Variants in PLCG1 observed in about 807,000 individuals in gnomAD.
The protein encoded by PLCG1 is phospholipase C gamma 1.
Under a neutral mutation model 177.8 loss-of-function variants are expected in PLCG1, and 71 were observed. The observed-to-expected ratio is 0.40, with a 90% CI of 0.33 to 0.49. PLCG1 has a LOEUF of 0.49. Among genes scored for constraint, PLCG1 ranks in the 20% least tolerant of loss-of-function variants. The pLI is 0.72. For synonymous variants in PLCG1, 658 were observed against 647.9 expected, an observed-to-expected ratio of 1.02 and a Z score of -0.24; for missense variants, 1,281 against 1,709.0, an observed-to-expected ratio of 0.75 and a Z score of 4.42.
rs2034992875 is a variant in PLCG1 at position 41,146,296 on chromosome 20, C to T, written c.217+8438C>T. Among the ~76,000 whole-genome samples, 1 of 152,236 alleles carries T rather than the reference C, an allele frequency of 6.6e-6. No individual in the cohort carries two copies. Among genetic ancestry groups the T allele is most frequent in the Non-Finnish European group, 1.5e-5 (1 of 68,040 alleles). On this transcript the variant is annotated intron_variant, in intron 1 of 31. Coordinates refer to ENST00000685551, the MANE Select transcript of PLCG1 (RefSeq NM_002660.3). The surrounding 1 kb of genome is among the most constrained non-coding windows in gnomAD (Gnocchi z 6.3). ...TGGACCATGCAGAAAACCGCTAATG[C>T]CCAGGGCTGGCAGGAGACAGCTGTG...
Position 41,174,769 on chromosome 20 carries a change from C to G in PLCG1, c.*260C>G. ...AAGCACACACATCTGGCCCTGACTT[C>G]TGGAGATGGATCCTTCCATCTTGTG... On this transcript the variant is annotated 3_prime_UTR_variant, in exon 32 of 32. Transcript: ENST00000685551. This position sits in a 1 kb window ranked among gnomAD's most constrained non-coding sequence, Gnocchi z 5.8. The G allele has an allele frequency of 2.0e-6, 1 of 501,862 alleles. No homozygotes were observed. The highest frequency in any genetic ancestry group is 3.6e-6 in the Non-Finnish European group (1 of 276,474). The allele number at this position is 501,862 out of a possible 1,614,324, so 31.1% of individuals were successfully genotyped here. A position where few individuals can be genotyped will look rare whatever the true frequency, so the allele number is the denominator to read the frequency against.
At chr20:41,158,572 T>C (rs760848567) in intron 1 of PLCG1, among the ~76,000 whole-genome samples, 46 of 152,212 alleles carry the variant, frequency 3.0e-4, no homozygotes, top group Admixed American at 2.6e-4. Context: ...CCCCTCCATG[T>C]CCCACATATA....
chr20:41,138,021 T>G, intron 1 of PLCG1, 163 bp downstream of exon 1: 1 of 435,358 alleles, frequency 2.3e-6, no homozygotes, highest in Non-Finnish European at 3.8e-6. Context: ...GGGTGGTCAC[T>G]GGGGGCGGGG....
intron 1 of PLCG1, chr20:41,138,063 A>AC (rs555844818): frequency 8.5e-4 from 327 of 383,282 alleles, no homozygotes; most frequent in East Asian, 3.5e-3. Context: ...CTGACAGGAC[A>AC]CCCCCCCTCC....
rs1233394222 is a variant in PLCG1 at position 41,156,496 on chromosome 20, G to C, written c.218-3110G>C. ...GCCTTTGTCATTATGCTATACATCA[G>C]GCTTCTGGGCTGCTACTTGTGGGAT... On this transcript the variant is annotated intron_variant, in intron 1 of 31. Coordinates refer to ENST00000685551, the MANE Select transcript of PLCG1 (RefSeq NM_002660.3). This position sits in a 1 kb window ranked among gnomAD's most constrained non-coding sequence, Gnocchi z 5.0. Among the ~76,000 whole-genome samples, 2 of 152,130 alleles carry C rather than the reference G, an allele frequency of 1.3e-5. No individual in the cohort carries two copies. The highest frequency in any genetic ancestry group is 4.8e-5 in the African/African-American group (2 of 41,428).
In PLCG1 at chr20:41,166,073, AGGAGATTGGCCTCC is replaced by A; in HGVS notation, c.1800-120_1800-107del. 4.9e-6 allele frequency: 4 copies of A among 821,948 alleles called. No individual in the cohort carries two copies. Among genetic ancestry groups the A allele is most frequent in the African/African-American group, 1.8e-5 (1 of 55,340 alleles). The allele number at this position is 821,948 out of a possible 1,614,324, so 50.9% of individuals were successfully genotyped here. ...GTGACTGCCCACACCTGAGCTCCTC[AGGAGATTGGCCTCC>A]CTCCTTGAGGCTCCCTCCTTGAGTT... On this transcript the variant is annotated intron_variant, in intron 16 of 31. Transcript: ENST00000685551. The surrounding 1 kb of genome is among the most constrained non-coding windows in gnomAD (Gnocchi z 8.6).
In PLCG1 at chr20:41,159,255, T is replaced by A. The variant is rs1173103073; in HGVS notation, c.218-351T>A. 6.6e-6 allele frequency among the ~76,000 whole-genome samples: 1 copy of A among 152,170 alleles called. No individual in the cohort carries two copies. The highest frequency in any genetic ancestry group is 2.4e-5 in the African/African-American group (1 of 41,442). ...TGATTTGATTTGTGTGTACCTTGTG[T>A]CAGGAAGTGGTCCTCATGAACAGCC... On this transcript the variant is annotated intron_variant, in intron 1 of 31. Transcript: ENST00000685551. The surrounding 1 kb of genome is among the most constrained non-coding windows in gnomAD (Gnocchi z 6.0).
Position 41,160,270 on chromosome 20 carries a change from C to T in PLCG1, c.512+117C>T. 1 of 896,112 alleles carries T rather than the reference C, an allele frequency of 1.1e-6. No individual in the cohort carries two copies. The highest frequency in any genetic ancestry group is 1.8e-6 in the Non-Finnish European group (1 of 548,830). The allele number at this position is 896,112 out of a possible 1,614,324, so 55.5% of individuals were successfully genotyped here. A position where few individuals can be genotyped will look rare whatever the true frequency, so the allele number is the denominator to read the frequency against. Reference sequence around the variant, plus strand: ...AGGACCCAGGGGACCTTAAGTGGGGCCAGGAGGGTGGGCAGAAGGTTCTGC... The same window carrying T: ...AGGACCCAGGGGACCTTAAGTGGGGTCAGGAGGGTGGGCAGAAGGTTCTGC... On this transcript the variant is annotated intron_variant, in intron 4 of 31. Coordinates refer to ENST00000685551, the MANE Select transcript of PLCG1 (RefSeq NM_002660.3). The surrounding 1 kb of genome is among the most constrained non-coding windows in gnomAD (Gnocchi z 5.5).
intron 1 of PLCG1, among the ~76,000 whole-genome samples, chr20:41,158,090 C>T (rs1389909291): frequency 6.6e-6 from 1 of 152,024 alleles, no homozygotes; most frequent in Non-Finnish European, 1.5e-5. Context: ...CCAGGTAGAA[C>T]CAGAAATGTG....
intron 21 of PLCG1, 21 bp downstream of exon 21, chr20:41,168,891 G>A (rs2035793662): frequency 2.6e-6 from 4 of 1,535,048 alleles, no homozygotes; most frequent in South Asian, 1.1e-5. Flanking sequence ...GGTGTGGTAG[G>A]CCCAGAGTCC....
chr20:41,139,656 G>A (rs916680103), intron 1 of PLCG1, among the ~76,000 whole-genome samples: 1 of 152,222 alleles, frequency 6.6e-6, no homozygotes, highest in South Asian at 2.1e-4. Flanking sequence ...AAAACATCTA[G>A]CATTGTCTGA....
chr20:41,168,419 G>A (rs2035775441), intron 20 of PLCG1, among the ~76,000 whole-genome samples: 1 of 152,244 alleles, frequency 6.6e-6, no homozygotes, highest in Non-Finnish European at 1.5e-5. Context: ...AGGTCCCGGG[G>A]AGGCACTCAG....
At chr20:41,168,912 G>A (rs376777141) in intron 21 of PLCG1, 42 bp downstream of exon 21, 130 of 1,402,324 alleles carry the variant, frequency 9.3e-5, no homozygotes, top group Middle Eastern at 2.4e-4. Flanking sequence ...AAGGGCCCCA[G>A]TGGAGCTGGG....
chr20:41,169,074 C>T lies in PLCG1; in HGVS notation c.2484-5C>T, dbSNP rs1333765165. On this transcript the variant is annotated splice_region_variant and splice_polypyrimidine_tract_variant and intron_variant, in intron 21 of 31. Coordinates refer to ENST00000685551, the MANE Select transcript of PLCG1 (RefSeq NM_002660.3). ...CTGGAGGTCAGCACCCTGTGGCTCC[C>T]ACAGGTGGCGAGGGGACTACGGAGG... is the stretch of plus-strand genomic sequence containing the variant. 1.2e-6 allele frequency: 2 copies of T among 1,611,978 alleles called. No homozygotes were observed. The highest frequency in any genetic ancestry group is 8.5e-7 in the Non-Finnish European group (1 of 1,178,036).
In PLCG1 at chr20:41,165,294, T is replaced by C. The variant is rs1325947682; in HGVS notation, c.1436T>C (p.Met479Thr). Reference protein sequence around the residue: ...GSAYEEVPTSMMYSENDISNS... With the variant: ...GSAYEEVPTSTMYSENDISNS... ...GCCTACGAGGAGGTGCCTACATCCA[T>C]GATGTACTCTGAGAACGACATCAGC... Residue 479 changes from methionine (M) to threonine (T), a missense_variant, in exon 14 of 32, where the codon ATG (methionine) becomes ACG (threonine). Around this residue, in one of 4 missense-constraint regions of PLCG1, gnomAD observed 723 missense variants for 1,030.0 expected, o/e 0.70. Transcript: ENST00000685551. The surrounding 1 kb of genome is among the most constrained non-coding windows in gnomAD (Gnocchi z 6.6). 6.2e-7 allele frequency: 1 copy of C among 1,613,844 alleles called. No homozygotes were observed. The highest frequency in any genetic ancestry group is 8.5e-7 in the Non-Finnish European group (1 of 1,179,724).
Position 41,162,998 on chromosome 20 carries a change from G to T in PLCG1, c.716+6G>T, listed in dbSNP as rs769001740. On this transcript the variant is annotated splice_donor_region_variant and intron_variant, in intron 7 of 31. Coordinates refer to ENST00000685551, the MANE Select transcript of PLCG1 (RefSeq NM_002660.3). ...TTGGAAGCCAGTACTCTGAGGTTTG[G>T]TTTGGAGTGGGGAGGTGGGGTTTTC... is the stretch of plus-strand genomic sequence containing the variant. The T allele has an allele frequency of 4.3e-6, 7 of 1,613,838 alleles. No individual in the cohort carries two copies. Among genetic ancestry groups the T allele is most frequent in the Non-Finnish European group, 5.9e-6 (7 of 1,179,742 alleles).
In PLCG1 at chr20:41,166,306, C is replaced by T; in HGVS notation, c.1912C>T (p.His638Tyr). The T allele has an allele frequency of 1.2e-6, 2 of 1,614,172 alleles. No homozygotes were observed. Among genetic ancestry groups the T allele is most frequent in the Non-Finnish European group, 1.7e-6 (2 of 1,180,026 alleles). Residue 638 changes from histidine to tyrosine, a missense_variant, in exon 17 of 32, where the codon CAC (histidine) becomes TAC (tyrosine). His to Tyr is a moderately conservative substitution (Grantham distance 83, BLOSUM62 2). This residue lies in a region of PLCG1 where 723 missense variants were observed against 1,030.0 expected (regional missense o/e 0.70). Transcript: ENST00000685551. The surrounding 1 kb of genome is among the most constrained non-coding windows in gnomAD (Gnocchi z 8.6). ...TGACTCCCTCTATGACCTCATCACG[C>T]ACTACCAGCAGGTGCCCCTGCGCTG... ...VFDSLYDLIT[H>Y]YQQVPLRCNE...
chr20:41,137,866 C>T lies in PLCG1; in HGVS notation c.217+8C>T, dbSNP rs1001923183. 12 of 1,265,224 alleles carry T rather than the reference C, an allele frequency of 9.5e-6. 1 individual carries two copies. The highest frequency in any genetic ancestry group is 7.6e-5 in the Admixed American group (2 of 26,230). The allele number at this position is 1,265,224 out of a possible 1,614,324, so 78.4% of individuals were successfully genotyped here. ...ACAAGATCGAGGGGGCCAGTAAGTG[C>T]GCCCACTTCCTGCCTGGGCCCGCCC... is the stretch of plus-strand genomic sequence containing the variant. On this transcript the variant is annotated splice_region_variant and intron_variant, in intron 1 of 31. Transcript: ENST00000685551. This position sits in a 1 kb window ranked among gnomAD's most constrained non-coding sequence, Gnocchi z 7.3.
In PLCG1 at chr20:41,162,476, C is replaced by T; in HGVS notation, c.537C>T (p.Asn179=). The T allele has an allele frequency of 6.2e-7, 1 of 1,613,728 alleles. No homozygotes were observed. The highest frequency in any genetic ancestry group is 8.5e-7 in the Non-Finnish European group (1 of 1,179,730). The change falls in exon 5 of 32, where the codon AAC becomes AAT. Residue 179 remains asparagine (N), a synonymous_variant. Coordinates refer to ENST00000685551, the MANE Select transcript of PLCG1 (RefSeq NM_002660.3). The part of the protein sequence containing the change: ...EDRISAKDLK[N]MLSQVNYRVP... ...GTATATCAGCCAAGGACCTGAAGAACATGCTGTCCCAGGTCAACTACCGGG... is the reference window on the plus strand; with the variant it reads ...GTATATCAGCCAAGGACCTGAAGAATATGCTGTCCCAGGTCAACTACCGGG...
Sources: allele counts gnomAD v4.1 joint callset (sites outside exome capture counted in the v4.1 genomes callset), GRCh38; gene constraint gnomAD v4.1.1; regional missense constraint gnomAD v4.1.1; non-coding constraint Gnocchi (gnomAD v3.1); transcripts MANE v1.5; gene names NCBI Gene and HGNC (gene_info 2026-07-23, HGNC 2026-07-21).